Variants in PPARGC1B observed in about 807,000 individuals in gnomAD.
The protein encoded by PPARGC1B is peroxisome proliferator-activated receptor gamma coactivator 1-beta.
In PPARGC1B, 34 loss-of-function variants were observed where a neutral mutation model predicts 101.6. The observed-to-expected ratio is 0.33, with a 90% CI of 0.25 to 0.45. PPARGC1B has a LOEUF of 0.45. Among genes scored for constraint, PPARGC1B ranks in the 20% least tolerant of loss-of-function variants. The probability of loss-of-function intolerance (pLI) is 1.00; values close to 1 mark genes in which losing one functional copy is unlikely to be tolerated. For synonymous variants in PPARGC1B, 548 were observed against 539.3 expected (o/e 1.02, Z -0.22); for missense variants, 1,234 against 1,317.6 (o/e 0.94, Z 0.98).
chr5:149,816,374 C>G (rs1758055056), intron 1 of PPARGC1B, among the ~76,000 whole-genome samples: 1 of 152,220 alleles, frequency 6.6e-6, no homozygotes, highest in Non-Finnish European at 1.5e-5. Context: ...TGACCCCGAA[C>G]AAATCCATTA....
At chr5:149,827,032 C>T (rs1758558541) in intron 3 of PPARGC1B, 147 bp downstream of exon 3, 6 of 669,258 alleles carry the variant, frequency 9.0e-6, no homozygotes, top group South Asian at 8.3e-5. Flanking sequence ...GAGCGTGGGC[C>T]GAAGGTGGGA....
Position 149,833,237 on chromosome 5 carries a change from G to A in PPARGC1B, c.1164G>A (p.Pro388=), listed in dbSNP as rs32577. ...PKDSQASPGR[P]SSVEEVRIAA... is the part of the protein sequence containing the mutation. ...ACAGTCAGGCCTCCCCTGGTCGCCC[G>A]TCCTCGGTGGAGGAGGTAAGGATCG... Residue 388 remains proline, a synonymous_variant, in exon 5 of 12, where the codon CCG becomes CCA. Transcript: ENST00000309241. The surrounding 1 kb of genome is among the most constrained non-coding windows in gnomAD (Gnocchi z 4.1). 228,024 of 1,613,216 alleles carry A rather than the reference G, an allele frequency of 0.14. 18,014 individuals are homozygous for A. The highest frequency in any genetic ancestry group is 0.22 in the South Asian group (20,448 of 91,074).
At chr5:149,742,422 C>G (rs1247600766) in intron 1 of PPARGC1B, among the ~76,000 whole-genome samples, 1 of 152,174 alleles carries the variant, frequency 6.6e-6, no homozygotes, top group Non-Finnish European at 1.5e-5. Flanking sequence ...CCTGCCTTCC[C>G]TCAATACTCT....
intron 1 of PPARGC1B, chr5:149,771,802 T>C (rs1756141348): frequency 6.6e-6 from 2 of 303,938 alleles, no homozygotes; most frequent in Non-Finnish European, 1.2e-5. Context: ...CAACTGGTTC[T>C]GGAGGTGGGG....
intron 1 of PPARGC1B, among the ~76,000 whole-genome samples, chr5:149,766,214 AT>A (rs1275474352): frequency 6.6e-6 from 1 of 152,250 alleles, no homozygotes; most frequent in Admixed American, 6.5e-5. Context: ...ATGATAAGAA[AT>A]CAGAAAATCT....
At chr5:149,777,962 A>G (rs1432211800) in intron 1 of PPARGC1B, among the ~76,000 whole-genome samples, 25 of 74,060 alleles carry the variant, frequency 3.4e-4, no homozygotes, top group African/African-American at 1.3e-3. Flanking sequence ...ACACACACAC[A>G]CAGTATCCGG....
chr5:149,832,850 A>G lies in PPARGC1B; in HGVS notation c.777A>G (p.Pro259=). The part of the protein sequence containing the change: ...EPGEDCPSPQ[P]APASPRDSLA... The stretch of plus-strand genomic sequence containing the variant: ...GTGAGGACTGCCCGAGCCCCCAGCC[A>G]GCTCCAGCCTCTCCCCGGGACTCCC... Residue 259 remains proline (P), a synonymous_variant, in exon 5 of 12, where the codon CCA becomes CCG. Transcript: ENST00000309241. This position sits in a 1 kb window ranked among gnomAD's most constrained non-coding sequence, Gnocchi z 4.9. 6.2e-7 allele frequency: 1 copy of G among 1,609,682 alleles called. No homozygotes were observed. The highest frequency in any genetic ancestry group is 8.5e-7 in the Non-Finnish European group (1 of 1,177,378).
chr5:149,745,481 G>A lies in PPARGC1B; in HGVS notation c.78+15061G>A, dbSNP rs561426145. Among the ~76,000 whole-genome samples, 15 of 152,248 alleles carry A rather than the reference G, an allele frequency of 9.9e-5. No homozygotes were observed. In the South Asian group the frequency reaches 2.7e-3, roughly 27 times the overall value. ...AAAAGCTCCCTCTGATGACACCCCT[G>A]CTTTGGTACTAAAAATCAGGTACTA... On this transcript the variant is annotated intron_variant, in intron 1 of 11. Transcript: ENST00000309241.
At chr5:149,792,542 G>A (rs772387917) in intron 1 of PPARGC1B, among the ~76,000 whole-genome samples, 1 of 152,114 alleles carries the variant, frequency 6.6e-6, no homozygotes, top group Non-Finnish European at 1.5e-5. Context: ...TAGAGATGTC[G>A]GCACTAGGAC....
intron 1 of PPARGC1B, among the ~76,000 whole-genome samples, chr5:149,731,958 T>C (rs1754496648): frequency 6.6e-6 from 1 of 152,004 alleles, no homozygotes; most frequent in African/African-American, 2.4e-5. Context: ...CTCGGGTGGG[T>C]TCGCGGCAGA....
At chr5:149,783,217 C>G (rs537746384) in intron 1 of PPARGC1B, among the ~76,000 whole-genome samples, 16 of 152,292 alleles carry the variant, frequency 1.1e-4, no homozygotes, top group African/African-American at 3.9e-4. Context: ...AGATGTGCAG[C>G]CATCAATGGA....
intron 1 of PPARGC1B, among the ~76,000 whole-genome samples, chr5:149,749,463 G>T (rs755170525): frequency 6.6e-6 from 1 of 152,100 alleles, no homozygotes; most frequent in African/African-American, 2.4e-5. Context: ...GAGCCCCTCC[G>T]CTACTGCTGT....
intron 1 of PPARGC1B, among the ~76,000 whole-genome samples, chr5:149,743,974 T>A (rs547120594): frequency 2.6e-5 from 4 of 152,170 alleles, no homozygotes; most frequent in Non-Finnish European, 4.4e-5. Flanking sequence ...TCCCCACATC[T>A]TCCCGGGGGA....
chr5:149,793,247 T>C (rs1198216088), intron 1 of PPARGC1B, among the ~76,000 whole-genome samples: 1 of 152,038 alleles, frequency 6.6e-6, no homozygotes, highest in African/African-American at 2.4e-5. Context: ...ATGGGGCAGC[T>C]CTTCTTGGTC....
intron 11 of PPARGC1B, chr5:149,847,007 C>G (rs1759590250): frequency 4.7e-6 from 1 of 214,192 alleles, no homozygotes; most frequent in African/African-American, 2.3e-5. Flanking sequence ...ATCACTTGAA[C>G]CCGAGAGGCA....
At chr5:149,802,322 C>T (rs892356521) in intron 1 of PPARGC1B, among the ~76,000 whole-genome samples, 2 of 152,186 alleles carry the variant, frequency 1.3e-5, no homozygotes, top group African/African-American at 2.4e-5. Context: ...CAATTTGCGA[C>T]GTGAGCTGAA....
chr5:149,757,397 G>A (rs535606150), intron 1 of PPARGC1B, among the ~76,000 whole-genome samples: 9 of 151,882 alleles, frequency 5.9e-5, no homozygotes, highest in African/African-American at 2.2e-4. Flanking sequence ...ATCAGTGCAC[G>A]CCCTGCCTGA....
intron 1 of PPARGC1B, among the ~76,000 whole-genome samples, chr5:149,793,735 A>G (rs891068344): frequency 1.3e-5 from 2 of 152,226 alleles, no homozygotes; most frequent in African/African-American, 4.8e-5. Flanking sequence ...TCTTGAAGAC[A>G]GCAGACTTGT....
chr5:149,831,573 T>G (rs1758786265), intron 4 of PPARGC1B, among the ~76,000 whole-genome samples: 1 of 152,194 alleles, frequency 6.6e-6, no homozygotes, highest in South Asian at 2.1e-4. Context: ...CTATTTGTCC[T>G]GGCTGACCCT....
Sources: gnomAD v4.1 joint callset for allele counts (sites outside exome capture counted in the v4.1 genomes callset) on GRCh38, gnomAD v4.1.1 for gene constraint, Gnocchi (gnomAD v3.1) non-coding constraint, MANE v1.5 for transcripts, NCBI Gene and HGNC (gene_info 2026-07-23, HGNC 2026-07-21) for gene names.